PRKG1: variants seen among roughly 807,000 people sequenced by gnomAD.
PRKG1 encodes protein kinase cGMP-dependent 1, also known as cGMP-dependent protein kinase 1.
A neutral mutation model predicts 88.1 loss-of-function variants in PRKG1; 35 were observed. That is an observed-to-expected ratio of 0.40 (90% CI 0.30 to 0.53). PRKG1 has a LOEUF of 0.53. Among genes scored for constraint, PRKG1 ranks in the 20% least tolerant of loss-of-function variants. PRKG1 has a pLI of 0.59. For missense variants in PRKG1, 540 were observed against 839.8 expected (o/e 0.64, Z 4.41); for synonymous variants, 303 against 292.5 (o/e 1.04, Z -0.37).
chr10:51,550,943 G>A (rs115935354), intron 3 of PRKG1, among the ~76,000 whole-genome samples: 314 of 151,968 alleles, frequency 2.1e-3, no homozygotes, highest in African/African-American at 7.0e-3. Flanking sequence ...AGTATGTGTT[G>A]GGGTCAACTA....
At chr10:51,531,955 T>TA (rs1491099027) in intron 3 of PRKG1, among the ~76,000 whole-genome samples, 72 of 152,090 alleles carry the variant, frequency 4.7e-4, no homozygotes, top group African/African-American at 1.6e-3. Context: ...AGAATTTTTT[T>TA]AAAAAAATGA....
chr10:51,135,379 G>A (rs1845662972), intron 1 of PRKG1, among the ~76,000 whole-genome samples: 1 of 152,112 alleles, frequency 6.6e-6, no homozygotes, highest in Non-Finnish European at 1.5e-5. Flanking sequence ...AATCCAAGAA[G>A]GAAAATGGGG....
chr10:51,597,176 T>TG (rs1436206148), intron 3 of PRKG1, among the ~76,000 whole-genome samples: 1 of 152,174 alleles, frequency 6.6e-6, no homozygotes, highest in African/African-American at 2.4e-5. Flanking sequence ...AGAGTTTGTT[T>TG]TTTTTTTAAA....
intron 3 of PRKG1, among the ~76,000 whole-genome samples, chr10:51,750,679 A>G (rs867192265): frequency 6.6e-6 from 1 of 152,202 alleles, no homozygotes; most frequent in South Asian, 2.1e-4. Flanking sequence ...AACACAGACT[A>G]TGAGGCTTTG....
chr10:51,509,829 T>G (rs935767618), intron 3 of PRKG1, among the ~76,000 whole-genome samples: 3 of 152,214 alleles, frequency 2.0e-5, no homozygotes, highest in Non-Finnish European at 2.9e-5. Context: ...AATCCTAGTG[T>G]TAGGATTAAA....
intron 1 of PRKG1, among the ~76,000 whole-genome samples, chr10:51,080,460 A>C (rs1844079186): frequency 6.6e-6 from 1 of 152,024 alleles, no homozygotes; most frequent in African/African-American, 2.4e-5. Context: ...TCTGCCTAGC[A>C]ATGGAGGGTC....
rs1422839176 is a variant in PRKG1 at position 51,467,749 on chromosome 10, G to A, written c.505G>A (p.Gly169Ser). The change falls in exon 3 of 18, where the codon GGT becomes AGT. Residue 169 changes from glycine to serine, a missense_variant. Physicochemically the swap from Gly to Ser is moderately conservative, Grantham distance 56. This residue lies in a region of PRKG1 where 400 missense variants were observed against 562.7 expected (regional missense o/e 0.71). Transcript: ENST00000373980. ...TGGTAAGGTTGAAGTTACAAAAGAA[G>A]GTGTGAAGTTGTGTACCATGGGTCC... ...EDGKVEVTKEGVKLCTMGPGK... is the reference protein window; with the variant it reads ...EDGKVEVTKESVKLCTMGPGK... 2 of 1,612,498 alleles carry A rather than the reference G, an allele frequency of 1.2e-6. No homozygotes were observed. Among genetic ancestry groups the A allele is most frequent in the African/African-American group, 2.7e-5 (2 of 74,844 alleles).
intron 3 of PRKG1, among the ~76,000 whole-genome samples, chr10:51,542,929 C>G (rs1842345359): frequency 6.6e-6 from 1 of 152,130 alleles, no homozygotes; most frequent in Admixed American, 6.6e-5. Flanking sequence ...TTCCTTTGGT[C>G]ATAAATGACA....
At chr10:51,659,926 T>C (rs917975063) in intron 3 of PRKG1, among the ~76,000 whole-genome samples, 2 of 151,756 alleles carry the variant, frequency 1.3e-5, no homozygotes, top group Admixed American at 6.6e-5. Context: ...GAAGCAAAAA[T>C]AAGCAGTATT....
intron 3 of PRKG1, among the ~76,000 whole-genome samples, chr10:51,757,294 G>A (rs933339394): frequency 2.0e-5 from 3 of 151,948 alleles, no homozygotes; most frequent in Admixed American, 6.6e-5. Context: ...AGTAGAGAGA[G>A]GGTTTCACAA....
In PRKG1 at chr10:51,711,032, A is replaced by T. The variant is rs113500590; in HGVS notation, c.593-93553A>T. Among the ~76,000 whole-genome samples the T allele has an allele frequency of 3.0e-3, 449 of 151,296 alleles. 1 individual carries two copies. Among genetic ancestry groups the T allele is most frequent in the Middle Eastern group, 7.1e-3 (2 of 280 alleles). ...TCTTTTTTAAAGACGTGAAAGACTT[A>T]CAATTCCCCTTTTGGGCTGGTCAGT... On this transcript the variant is annotated intron_variant, in intron 3 of 17. Transcript: ENST00000373980.
At chr10:51,421,551 G>A (rs1455376412) in intron 2 of PRKG1, among the ~76,000 whole-genome samples, 1 of 151,956 alleles carries the variant, frequency 6.6e-6, no homozygotes, top group Non-Finnish European at 1.5e-5. Context: ...CCAGTTCCTC[G>A]TTTTTCTTCA....
intron 3 of PRKG1, among the ~76,000 whole-genome samples, chr10:51,751,812 C>CT (rs563187505): frequency 3.6e-4 from 52 of 143,582 alleles, no homozygotes; most frequent in East Asian, 1.8e-3. Flanking sequence ...ACCTTTAAAG[C>CT]TTTTTTTTTT....
At chr10:52,120,351 A>G (rs549724968) in intron 7 of PRKG1, among the ~76,000 whole-genome samples, 4 of 152,190 alleles carry the variant, frequency 2.6e-5, no homozygotes, top group Admixed American at 1.3e-4. Context: ...CATCCATTCC[A>G]TCCCAATAGC....
chr10:51,279,307 G>A (rs1295425954), intron 2 of PRKG1, among the ~76,000 whole-genome samples: 5 of 152,190 alleles, frequency 3.3e-5, no homozygotes, highest in Admixed American at 6.5e-5. Flanking sequence ...TGATTGCACT[G>A]TGGTCTGAGA....
At chr10:51,972,072 T>A (rs571574385) in intron 5 of PRKG1, among the ~76,000 whole-genome samples, 1 of 152,120 alleles carries the variant, frequency 6.6e-6, no homozygotes, top group African/African-American at 2.4e-5. Context: ...TCTTCTTCCC[T>A]CCCTCCAAGT....
chr10:51,950,562 C>G (rs998703699), intron 5 of PRKG1, among the ~76,000 whole-genome samples: 6 of 152,240 alleles, frequency 3.9e-5, no homozygotes, highest in Non-Finnish European at 8.8e-5. Context: ...ATCTGGCTGG[C>G]CATTCCAAGC....
At chr10:51,224,010 CT>C (rs1206634433) in intron 2 of PRKG1, among the ~76,000 whole-genome samples, 7 of 152,206 alleles carry the variant, frequency 4.6e-5, no homozygotes, top group Admixed American at 1.3e-4. Context: ...TAAATGGTAT[CT>C]TTGTGTAAAA....
chr10:52,141,458 G>A (rs1404291608), intron 8 of PRKG1, among the ~76,000 whole-genome samples: 1 of 152,070 alleles, frequency 6.6e-6, no homozygotes, highest in Non-Finnish European at 1.5e-5. Context: ...TGACTGGGAT[G>A]CCCAGACTGT....
Sources: allele counts gnomAD v4.1 joint callset (sites outside exome capture counted in the v4.1 genomes callset), GRCh38; gene constraint gnomAD v4.1.1; regional missense constraint gnomAD v4.1.1; transcripts MANE v1.5; gene names NCBI Gene and HGNC (gene_info 2026-07-23, HGNC 2026-07-21).